The following MCF2L2 variants were observed in gnomAD, a reference collection of about 807,000 sequenced individuals.
MCF2L2 encodes the protein MCF.2 cell line derived transforming sequence-like 2.
A neutral mutation model predicts 150.2 loss-of-function variants in MCF2L2; 102 were observed. The ratio of observed to expected loss-of-function variants is 0.68; its 90% CI spans 0.58 to 0.80. MCF2L2 has a LOEUF of 0.80. Among genes scored for constraint, MCF2L2 ranks in the 30% least tolerant of loss-of-function variants. The pLI, the probability that MCF2L2 is intolerant of heterozygous loss-of-function variation, is 0.00. For synonymous variants in MCF2L2, 465 were observed against 491.3 expected (o/e 0.95, Z 0.71); for missense variants, 1,256 against 1,372.8 (o/e 0.91, Z 1.34).
chr3:183,341,283 C>T (rs1169936545), intron 4 of MCF2L2, among the ~76,000 whole-genome samples: 1 of 152,166 alleles, frequency 6.6e-6, no homozygotes, highest in African/African-American at 2.4e-5. Context: ...TCCAGCACTC[C>T]CCAACTGCCC....
chr3:183,309,720 C>T lies in MCF2L2; in HGVS notation c.1109G>A (p.Ser370Asn), dbSNP rs1729273524. 3 of 1,613,856 alleles carry T rather than the reference C, an allele frequency of 1.9e-6. No individual in the cohort carries two copies. The highest frequency in any genetic ancestry group is 2.5e-6 in the Non-Finnish European group (3 of 1,180,012). Reference sequence around the variant, plus strand: ...CAAAAATGTCAGAAAGCAAACCTGGCTTTTTTCCTCCAGTTTTTTGTGTTC... The same window carrying T: ...CAAAAATGTCAGAAAGCAAACCTGGTTTTTTTCCTCCAGTTTTTTGTGTTC... ...LKEHKKLEEK[S>N]QEPLEKAQLL... Residue 370 changes from serine to asparagine, a missense_variant, in exon 10 of 30, where the codon AGC (serine) becomes AAC (asparagine). By Grantham distance (46) the Ser-to-Asn change is conservative. Transcript: ENST00000328913.
intron 3 of MCF2L2, chr3:183,375,847 A>T (rs1713160303): frequency 6.6e-6 from 1 of 152,224 alleles, no homozygotes; most frequent in South Asian, 2.1e-4. Flanking sequence ...GTACAAAAAG[A>T]TGCAAATTGT....
intron 25 of MCF2L2, among the ~76,000 whole-genome samples, chr3:183,202,933 G>A (rs1722341904): frequency 6.6e-6 from 1 of 152,244 alleles, no homozygotes; most frequent in African/African-American, 2.4e-5. Context: ...CCTAGGCCAG[G>A]TGCAGTGGCT....
At chr3:183,341,791 A>G (rs953557858) in intron 3 of MCF2L2, among the ~76,000 whole-genome samples, 161 bp from the exon 4 acceptor site, 2 of 152,206 alleles carry the variant, frequency 1.3e-5, no homozygotes, top group African/African-American at 4.8e-5. Flanking sequence ...TAAGCCTGGT[A>G]ATCTTAACAA....
chr3:183,206,177 C>G lies in MCF2L2; in HGVS notation c.2750G>C (p.Ser917Thr). The G allele has an allele frequency of 6.2e-7, 1 of 1,614,180 alleles. No individual in the cohort carries two copies. Among genetic ancestry groups the G allele is most frequent in the Non-Finnish European group, 8.5e-7 (1 of 1,180,006 alleles). Residue 917 changes from serine to threonine, a missense_variant, in exon 24 of 30, where the codon AGC becomes ACC. Ser to Thr is a moderately conservative substitution (Grantham distance 58). Transcript: ENST00000328913. ...TLSIRQLGRG[S>T]HRKFEIASRN... ...ACTGGCAATCTCAAACTTTCTATGG[C>G]TCCCCCTTCCAAGCTGGCGAATTGA... is the stretch of plus-strand genomic sequence containing the variant.
chr3:183,373,055 T>C (rs995738326), intron 3 of MCF2L2: 5 of 152,230 alleles, frequency 3.3e-5, no homozygotes, highest in Non-Finnish European at 5.9e-5. Context: ...CATCTGGCTC[T>C]ACTCTGTAGC....
intron 20 of MCF2L2, among the ~76,000 whole-genome samples, 197 bp downstream of exon 20, chr3:183,223,149 C>G (rs1314776134): frequency 6.6e-6 from 1 of 152,200 alleles, no homozygotes; most frequent in Non-Finnish European, 1.5e-5. Context: ...CAGGTGCCCT[C>G]CAACTCTATG....
chr3:183,179,232 C>G lies in MCF2L2; in HGVS notation c.*148G>C, dbSNP rs960227231. The G allele has an allele frequency of 8.6e-7, 1 of 1,156,160 alleles. No individual in the cohort carries two copies. The highest frequency in any genetic ancestry group is 1.6e-5 in the African/African-American group (1 of 61,372). 71.6% of individuals were successfully genotyped at this position (1,156,160 alleles called of 1,614,324 possible). A position where few individuals can be genotyped will look rare whatever the true frequency, so the allele number is the denominator to read the frequency against. On this transcript the variant is annotated 3_prime_UTR_variant, in exon 30 of 30. Transcript: ENST00000328913. The surrounding 1 kb of genome is among the most constrained non-coding windows in gnomAD (Gnocchi z 4.2). ...CGCACCCAGGACACCCCTCGGGCTC[C>G]TCGGAGGAGGCCCTGGTTGTCCCCT...
rs1457058115 is a variant in MCF2L2, at chr3:183,389,680, T to C, written c.160+16A>G. On this transcript the variant is annotated intron_variant, in intron 2 of 29. Coordinates refer to ENST00000328913, the MANE Select transcript of MCF2L2 (RefSeq NM_015078.4). ...CCCCATCAAAATCTGGAAATGCAAA[T>C]GAATGTGCCCCTTACCTGAAAGAAT... 2.5e-6 allele frequency: 4 copies of C among 1,611,312 alleles called. No individual in the cohort carries two copies. The highest frequency in any genetic ancestry group is 1.1e-5 in the South Asian group (1 of 91,006).
chr3:183,318,024 T>A, intron 7 of MCF2L2, 44 bp downstream of exon 7: 1 of 1,602,548 alleles, frequency 6.2e-7, no homozygotes, highest in Non-Finnish European at 8.5e-7. Flanking sequence ...CAGGCATACC[T>A]GCTGGCACAG....
chr3:183,191,563 G>A (rs1035863280), intron 27 of MCF2L2, among the ~76,000 whole-genome samples: 10 of 152,128 alleles, frequency 6.6e-5, no homozygotes, highest in South Asian at 2.1e-4. Flanking sequence ...CCGGTTTAAC[G>A]CCTTTTTCAT....
intron 23 of MCF2L2, among the ~76,000 whole-genome samples, chr3:183,206,608 A>G (rs1722481860): frequency 6.6e-6 from 1 of 152,210 alleles, no homozygotes. Context: ...CTCTGTAATC[A>G]GTCCTGTAAT....
In MCF2L2 at chr3:183,216,093, T is replaced by A. The variant is rs1409365883; in HGVS notation, c.2372A>T (p.Asp791Val). ...TGAATCTTTGGTTCTCTTTGGCCCA[T>A]CCTGTGGAAAACAAATGCCTTGTTG... ...DPGELGGSAK[D>V]GPKRTKDSAF... The change falls in exon 22 of 30, where the codon GAT (aspartate) becomes GTT (valine). Residue 791 changes from aspartate to valine, a missense_variant and splice_region_variant. Physicochemically the swap from Asp to Val is radical, Grantham distance 152 (BLOSUM62 -3). Coordinates refer to ENST00000328913, the MANE Select transcript of MCF2L2 (RefSeq NM_015078.4). The A allele has an allele frequency of 1.9e-6, 3 of 1,613,012 alleles. No individual in the cohort carries two copies. The South Asian group carries it at 3.3e-5, about 18-fold the overall frequency.
At position 183,181,796 on chromosome 3, in the gene MCF2L2, G is replaced by T. The variant is rs1721532352; in HGVS notation, c.3017-1637C>A. 6.6e-6 allele frequency among the ~76,000 whole-genome samples: 1 copy of T among 152,176 alleles called. No individual in the cohort carries two copies. Among genetic ancestry groups the T allele is most frequent in the Non-Finnish European group, 1.5e-5 (1 of 68,022 alleles). On this transcript the variant is annotated intron_variant, in intron 27 of 29. Coordinates refer to ENST00000328913, the MANE Select transcript of MCF2L2 (RefSeq NM_015078.4). The surrounding 1 kb of genome is among the most constrained non-coding windows in gnomAD (Gnocchi z 4.3). ...GGACCATAGAGCCACCCACTGGGAG[G>T]CTGGCGGTTGGGCCTGGCTCAGGAG...
At chr3:183,207,086 A>G (rs1374948628) in intron 23 of MCF2L2, among the ~76,000 whole-genome samples, 1 of 151,882 alleles carries the variant, frequency 6.6e-6, no homozygotes, top group African/African-American at 2.4e-5. Context: ...GCATAAATAT[A>G]TATGGGTGTG....
intron 15 of MCF2L2, among the ~76,000 whole-genome samples, chr3:183,256,521 A>G (rs1371252601): frequency 1.3e-5 from 2 of 152,236 alleles, no homozygotes; most frequent in Admixed American, 6.5e-5. Flanking sequence ...TAACTTATTC[A>G]GATTTCTCTT....
intron 1 of MCF2L2, among the ~76,000 whole-genome samples, chr3:183,396,805 G>A (rs1714490049): frequency 6.6e-6 from 1 of 152,098 alleles, no homozygotes; most frequent in Admixed American, 6.6e-5. Context: ...TGAGAAAGGA[G>A]GTTAGACAGA....
chr3:183,301,014 C>CAAAA (rs11388183), intron 10 of MCF2L2, among the ~76,000 whole-genome samples: 10 of 65,602 alleles, frequency 1.5e-4, no homozygotes, highest in East Asian at 4.4e-4. Context: ...GACTCCATCT[C>CAAAA]AAAAAAAAAA....
chr3:183,276,909 C>T lies in MCF2L2; in HGVS notation c.1825G>A (p.Glu609Lys). ...SHHERGNPEL[E>K]QQARLGDLSP... is the part of the protein sequence containing the mutation. ...AGGTCTCCGAGCCTGGCCTGCTGCTCCAGCTCAGGGTTCCCCCTTTCATGA... is the reference window on the plus strand; with the variant it reads ...AGGTCTCCGAGCCTGGCCTGCTGCTTCAGCTCAGGGTTCCCCCTTTCATGA... The change falls in exon 15 of 30, where the codon GAG (glutamate) becomes AAG (lysine). Residue 609 changes from glutamate to lysine, a missense_variant. By Grantham distance (56) the Glu-to-Lys change is moderately conservative. Coordinates refer to ENST00000328913, the MANE Select transcript of MCF2L2 (RefSeq NM_015078.4). 3 of 1,611,382 alleles carry T rather than the reference C, an allele frequency of 1.9e-6. No homozygotes were observed. The highest frequency in any genetic ancestry group is 2.2e-5 in the South Asian group (2 of 90,368).
Sources: allele counts gnomAD v4.1 joint callset (sites outside exome capture counted in the v4.1 genomes callset), GRCh38; gene constraint gnomAD v4.1.1; non-coding constraint Gnocchi (gnomAD v3.1); transcripts MANE v1.5; gene names NCBI Gene and HGNC (gene_info 2026-07-23, HGNC 2026-07-21).